Variants in NCOA7 observed in about 807,000 individuals in gnomAD.
NCOA7 encodes 140 kDa estrogen receptor-associated protein.
A neutral mutation model predicts 104.3 loss-of-function variants in NCOA7; 45 were observed. The ratio of observed to expected loss-of-function variants is 0.43; its 90% CI spans 0.34 to 0.55. The LOEUF is 0.55. NCOA7 is among the 20% of genes least tolerant of loss of function. The pLI, the probability that NCOA7 is intolerant of heterozygous loss-of-function variation, is 0.02. For missense variants in NCOA7, 1,041 were observed against 1,119.7 expected (o/e 0.93, Z 1.00); for synonymous variants, 398 against 402.3 (o/e 0.99, Z 0.13).
At position 125,906,920 on chromosome 6, in the gene NCOA7, C is replaced by T. The variant is rs192222382; in HGVS notation, c.2097-8413C>T. ...AGGAAAAACTATGAAGTCATATCCT[C>T]TCCCCCAGGTAAATTGTAAAAATAA... On this transcript the variant is annotated intron_variant, in intron 10 of 15. Transcript: ENST00000392477. 4.9e-3 allele frequency among the ~76,000 whole-genome samples: 753 copies of T among 152,264 alleles called. 6 individuals are homozygous for T. Among genetic ancestry groups the T allele is most frequent in the Non-Finnish European group, 7.6e-3 (514 of 68,014 alleles).
At chr6:125,794,064 CT>C (rs1222288696) in intron 1 of NCOA7, among the ~76,000 whole-genome samples, 1 of 152,198 alleles carries the variant, frequency 6.6e-6, no homozygotes, top group Non-Finnish European at 1.5e-5. Flanking sequence ...AGAAGCTGTA[CT>C]TTGGTACCTT....
At chr6:125,899,809 A>G (rs1785333197) in intron 10 of NCOA7, 1 of 239,646 alleles carries the variant, frequency 4.2e-6, no homozygotes, top group African/African-American at 2.2e-5. Context: ...CAGTAACTTC[A>G]GTAACCAGCT....
chr6:125,928,028 G>T, intron 14 of NCOA7, 146 bp from the exon 15 acceptor site: 1 of 785,826 alleles, frequency 1.3e-6, no homozygotes, highest in Non-Finnish European at 2.1e-6. Context: ...TCTCATCCTG[G>T]TGTGGGCCAG....
intron 1 of NCOA7, among the ~76,000 whole-genome samples, chr6:125,813,254 G>C (rs1014774306): frequency 1.3e-5 from 2 of 152,096 alleles, no homozygotes; most frequent in Non-Finnish European, 2.9e-5. Flanking sequence ...TGCAGTGAAG[G>C]GGGTGGGCTG....
chr6:125,889,091 G>A lies in NCOA7; in HGVS notation c.1037G>A (p.Arg346Lys). The change falls in exon 9 of 16, where the codon AGA (arginine) becomes AAA (lysine). Residue 346 changes from arginine (R) to lysine (K), a missense_variant. By Grantham distance (26) the Arg-to-Lys change is conservative. Around this residue, in one of 2 missense-constraint regions of NCOA7, gnomAD observed 914 missense variants for 942.7 expected, o/e 0.97. Coordinates refer to ENST00000392477, the MANE Select transcript of NCOA7 (RefSeq NM_181782.5). ...NGEKIMTSDS[R>K]PIVPLEKSTG... ...GAGAAAATTATGACTTCGGATTCCA[G>A]ACCAATAGTACCTTTGGAGAAGTCC... The A allele has an allele frequency of 6.2e-7, 1 of 1,614,076 alleles. No homozygotes were observed. The highest frequency in any genetic ancestry group is 1.1e-5 in the South Asian group (1 of 91,076).
intron 10 of NCOA7, among the ~76,000 whole-genome samples, chr6:125,910,779 G>A (rs1054897300): frequency 4.6e-5 from 7 of 152,150 alleles, no homozygotes; most frequent in African/African-American, 9.7e-5. Flanking sequence ...AGCATTGTTC[G>A]TTATGGTACA....
At chr6:125,883,997 G>T (rs1415674203) in intron 7 of NCOA7, among the ~76,000 whole-genome samples, 1 of 152,098 alleles carries the variant, frequency 6.6e-6, no homozygotes, top group Non-Finnish European at 1.5e-5. Flanking sequence ...GGGATTACAG[G>T]CCAGAACCAC....
chr6:125,906,656 A>ATTCT (rs1786037266), intron 10 of NCOA7, among the ~76,000 whole-genome samples: 1 of 152,150 alleles, frequency 6.6e-6, no homozygotes. Context: ...AACCCAGAAG[A>ATTCT]GGCTGAAGAC....
intron 10 of NCOA7, among the ~76,000 whole-genome samples, chr6:125,901,343 T>G (rs1268282658): frequency 6.6e-6 from 1 of 152,238 alleles, no homozygotes; most frequent in African/African-American, 2.4e-5. Flanking sequence ...CATGCAGCTT[T>G]TGATAGGGCA....
chr6:125,808,397 C>G (rs1203936031), intron 1 of NCOA7, among the ~76,000 whole-genome samples: 1 of 152,238 alleles, frequency 6.6e-6, no homozygotes, highest in Non-Finnish European at 1.5e-5. Flanking sequence ...CTCATTTAAT[C>G]AGCTGATAAG....
chr6:125,826,325 C>T (rs1281077559), intron 2 of NCOA7, among the ~76,000 whole-genome samples: 6 of 142,102 alleles, frequency 4.2e-5, no homozygotes, highest in South Asian at 4.9e-4. Flanking sequence ...AGCAAGACTC[C>T]GTCTCTAAAA....
At chr6:125,858,133 G>A (rs768177061) in intron 3 of NCOA7, among the ~76,000 whole-genome samples, 8 of 152,044 alleles carry the variant, frequency 5.3e-5, no homozygotes, top group Non-Finnish European at 2.9e-5. Context: ...GATTACCTAT[G>A]TACAGGCTGG....
chr6:125,798,530 AT>A (rs2128550711), intron 1 of NCOA7, among the ~76,000 whole-genome samples: 1 of 152,302 alleles, frequency 6.6e-6, no homozygotes, highest in African/African-American at 2.4e-5. Flanking sequence ...CAGTAGAGTC[AT>A]TTTTTAAGTG....
intron 2 of NCOA7, among the ~76,000 whole-genome samples, chr6:125,823,300 CA>C: frequency 6.6e-6 from 1 of 152,306 alleles, no homozygotes; most frequent in Admixed American, 6.5e-5. Context: ...ACACAATATT[CA>C]AAACAGTTTC....
At chr6:125,806,503 A>G (rs1433133898) in intron 1 of NCOA7, among the ~76,000 whole-genome samples, 4 of 152,224 alleles carry the variant, frequency 2.6e-5, no homozygotes, top group Non-Finnish European at 4.4e-5. Context: ...CATTTAATTT[A>G]AAAGCTAATT....
chr6:125,880,801 G>A (rs1046970157), intron 5 of NCOA7, among the ~76,000 whole-genome samples: 2 of 152,034 alleles, frequency 1.3e-5, no homozygotes, highest in African/African-American at 4.8e-5. Flanking sequence ...CAAAGTGCTG[G>A]GATTACAGGC....
intron 11 of NCOA7, among the ~76,000 whole-genome samples, chr6:125,916,278 AG>A (rs1787076490): frequency 6.6e-6 from 1 of 152,144 alleles, no homozygotes; most frequent in African/African-American, 2.4e-5. Flanking sequence ...AAGTTTCCCA[AG>A]GCCTCCCCAG....
chr6:125,867,105 T>A (rs1782501462), intron 3 of NCOA7, among the ~76,000 whole-genome samples: 1 of 152,222 alleles, frequency 6.6e-6, no homozygotes, highest in South Asian at 2.1e-4. Context: ...GTTATATTTA[T>A]TCCTAGATGT....
At chr6:125,866,537 AG>A (rs1471656264) in intron 3 of NCOA7, among the ~76,000 whole-genome samples, 1 of 152,250 alleles carries the variant, frequency 6.6e-6, no homozygotes, top group East Asian at 1.9e-4. Flanking sequence ...TCAAATTCTT[AG>A]GGTAACTCTT....
Sources: allele counts gnomAD v4.1 joint callset (sites outside exome capture counted in the v4.1 genomes callset), GRCh38; gene constraint gnomAD v4.1.1; regional missense constraint gnomAD v4.1.1; transcripts MANE v1.5; gene names NCBI Gene and HGNC (gene_info 2026-07-23, HGNC 2026-07-21).